The following BACH2 variants were observed in gnomAD, a reference collection of about 807,000 sequenced individuals.
BACH2 encodes BACH transcriptional regulator 2.
Under a neutral mutation model 61.8 loss-of-function variants are expected in BACH2, and 5 were observed. The ratio of observed to expected loss-of-function variants is 0.08; its 90% CI spans 0.04 to 0.17. BACH2 has a LOEUF of 0.17. Ranked by LOEUF, BACH2 falls within the 10% of genes least tolerant of loss-of-function variation. The pLI is 1.00. For missense variants in BACH2, 824 were observed against 1,091.1 expected (o/e 0.76, Z 3.45); for synonymous variants, 446 against 440.1 (o/e 1.01, Z -0.17).
chr6:90,222,931 C>T (rs531631276), intron 3 of BACH2, among the ~76,000 whole-genome samples: 24 of 152,262 alleles, frequency 1.6e-4, no homozygotes, highest in African/African-American at 5.3e-4. Context: ...CTACTCAACC[C>T]GCCACTCTGG....
At chr6:90,066,877 G>A (rs778714467) in intron 5 of BACH2, among the ~76,000 whole-genome samples, 13 of 152,144 alleles carry the variant, frequency 8.5e-5, no homozygotes, top group East Asian at 1.9e-4. Context: ...CCTTAGAGCC[G>A]GGCTCCATTC....
At chr6:90,066,533 G>C (rs1465470459) in intron 5 of BACH2, among the ~76,000 whole-genome samples, 1 of 152,196 alleles carries the variant, frequency 6.6e-6, no homozygotes, top group Non-Finnish European at 1.5e-5. Context: ...CCAGGAACGA[G>C]GGAGCAACTA....
chr6:89,938,012 A>G, intron 8 of BACH2, 132 bp downstream of exon 8: 1 of 809,850 alleles, frequency 1.2e-6, no homozygotes, highest in Non-Finnish European at 2.0e-6. Flanking sequence ...CTGTTGAGAA[A>G]CTTCTTAAAA....
chr6:90,101,737 T>C (rs1782635033), intron 4 of BACH2, among the ~76,000 whole-genome samples: 2 of 152,236 alleles, frequency 1.3e-5, no homozygotes, highest in South Asian at 4.1e-4. Context: ...TTGTGTTGAC[T>C]ATATAGGTTT....
At chr6:90,141,401 G>A (rs540313749) in intron 4 of BACH2, among the ~76,000 whole-genome samples, 2 of 151,568 alleles carry the variant, frequency 1.3e-5, no homozygotes, top group East Asian at 3.9e-4. Context: ...GGCTAGTCAC[G>A]AACTCCTGAC....
chr6:89,944,914 A>G (rs1284753156), intron 7 of BACH2, among the ~76,000 whole-genome samples: 1 of 152,176 alleles, frequency 6.6e-6, no homozygotes, highest in African/African-American at 2.4e-5. Flanking sequence ...AAATGACTGT[A>G]ATTTTCTATA....
intron 1 of BACH2, among the ~76,000 whole-genome samples, chr6:90,296,253 G>C (rs1041610088): frequency 4.3e-4 from 65 of 152,034 alleles, no homozygotes; most frequent in Non-Finnish European, 5.7e-4. Context: ...GCACACATTC[G>C]GCGCGGCGCG....
At chr6:90,103,540 T>C (rs1378951174) in intron 4 of BACH2, among the ~76,000 whole-genome samples, 3 of 152,216 alleles carry the variant, frequency 2.0e-5, no homozygotes, top group Non-Finnish European at 4.4e-5. Flanking sequence ...GTTACGAAAC[T>C]GAAATCTGGA....
At chr6:90,232,909 A>G (rs935367612) in intron 3 of BACH2, among the ~76,000 whole-genome samples, 3 of 152,032 alleles carry the variant, frequency 2.0e-5, no homozygotes, top group Non-Finnish European at 4.4e-5. Context: ...TTTAGTGGGG[A>G]GTATCTCTGA....
intron 4 of BACH2, among the ~76,000 whole-genome samples, chr6:90,110,308 C>G (rs1478269155): frequency 6.6e-6 from 1 of 152,200 alleles, no homozygotes; most frequent in African/African-American, 2.4e-5. Context: ...ACCTGAAAAT[C>G]TGTCAATAAA....
intron 3 of BACH2, 103 bp downstream of exon 3, chr6:90,252,410 C>G (rs1470378203): frequency 6.6e-6 from 1 of 152,082 alleles, no homozygotes; most frequent in Non-Finnish European, 1.5e-5. Context: ...CATTTTGTTT[C>G]TTTTAACAGT....
intron 4 of BACH2, among the ~76,000 whole-genome samples, chr6:90,103,194 C>G (rs1782753550): frequency 6.6e-6 from 1 of 151,556 alleles, no homozygotes; most frequent in Admixed American, 6.6e-5. Context: ...CAAAATATCA[C>G]ACTTTGATTG....
intron 1 of BACH2, among the ~76,000 whole-genome samples, chr6:90,295,378 G>C (rs1772310794): frequency 6.6e-6 from 1 of 152,302 alleles, no homozygotes; most frequent in Admixed American, 6.5e-5. Flanking sequence ...TCCCGGCCCT[G>C]CACGCTTCCC....
chr6:90,097,469 G>A (rs1191189772), intron 4 of BACH2, among the ~76,000 whole-genome samples: 2 of 152,158 alleles, frequency 1.3e-5, no homozygotes, highest in Admixed American at 6.5e-5. Context: ...TAGCCAGTGA[G>A]TGGCAGAGTG....
chr6:90,258,137 C>T (rs1771043636), intron 2 of BACH2, among the ~76,000 whole-genome samples: 2 of 152,150 alleles, frequency 1.3e-5, no homozygotes, highest in Admixed American at 6.5e-5. Flanking sequence ...AAGCTGACTA[C>T]CAACGCCAAT....
intron 5 of BACH2, among the ~76,000 whole-genome samples, chr6:90,056,009 G>A (rs564008277): frequency 6.6e-6 from 1 of 152,266 alleles, no homozygotes; most frequent in South Asian, 2.1e-4. Flanking sequence ...ACCAGCCACT[G>A]CAAAAACATA....
At chr6:90,259,544 T>C (rs548408970) in intron 2 of BACH2, among the ~76,000 whole-genome samples, 1 of 152,326 alleles carries the variant, frequency 6.6e-6, no homozygotes, top group East Asian at 1.9e-4. Flanking sequence ...TTTCTTGTGA[T>C]GTCTTTGGCT....
intron 4 of BACH2, among the ~76,000 whole-genome samples, chr6:90,175,005 A>G (rs1244773015): frequency 6.6e-6 from 1 of 152,034 alleles, no homozygotes; most frequent in Non-Finnish European, 1.5e-5. Context: ...AGAGAGGTAC[A>G]TAAGGGTTTC....
intron 4 of BACH2, among the ~76,000 whole-genome samples, chr6:90,103,350 G>C (rs1782759808): frequency 6.6e-6 from 1 of 152,008 alleles, no homozygotes. Flanking sequence ...ATCCCAGGGA[G>C]TAGCAACCCT....
Sources: gnomAD v4.1 joint callset for allele counts (sites outside exome capture counted in the v4.1 genomes callset) on GRCh38, gnomAD v4.1.1 for gene constraint, MANE v1.5 for transcripts, NCBI Gene and HGNC (gene_info 2026-07-23, HGNC 2026-07-21) for gene names.